The following R3HDM2 variants were observed in gnomAD, a reference collection of about 807,000 sequenced individuals.
R3HDM2 encodes R3H domain-containing protein 2.
Under a neutral mutation model 124.5 loss-of-function variants are expected in R3HDM2, and 38 were observed. That is an observed-to-expected ratio of 0.31 (90% CI 0.24 to 0.40). The LOEUF is 0.40. R3HDM2 is among the 10% of genes least tolerant of loss of function. R3HDM2 has a pLI of 1.00. For synonymous variants in R3HDM2, 391 were observed against 448.0 expected (o/e 0.87, Z 1.61); for missense variants, 869 against 1,236.9 (o/e 0.70, Z 4.46).
rs925563513 is a variant in R3HDM2, at chr12:57,355,346, C to A, written c.-36+40403G>T. ...TAGTGGCAGGCGCCTATAGTCCCAA[C>A]TACTCGGGAGGCTGAGGCAGGAGAA... On this transcript the variant is annotated intron_variant, in intron 2 of 23. Transcript: ENST00000402412. 4.0e-5 allele frequency among the ~76,000 whole-genome samples: 6 copies of A among 150,698 alleles called. No individual in the cohort carries two copies. The East Asian group carries it at 1.2e-3, about 30-fold the overall frequency.
intron 2 of R3HDM2, among the ~76,000 whole-genome samples, chr12:57,355,066 A>G (rs1296147293): frequency 1.3e-5 from 2 of 151,588 alleles, no homozygotes; most frequent in East Asian, 3.9e-4. Context: ...GATTACAGGC[A>G]TAAGACACCA....
chr12:57,396,460 T>A (rs1466558282), intron 1 of R3HDM2, among the ~76,000 whole-genome samples: 2 of 144,372 alleles, frequency 1.4e-5, no homozygotes, highest in Admixed American at 7.1e-5. Context: ...AATAAATAAA[T>A]AAAATAAAAA....
chr12:57,269,345 C>G lies in R3HDM2; in HGVS notation c.1692G>C (p.Leu564=). The G allele has an allele frequency of 6.2e-7, 1 of 1,614,016 alleles. No homozygotes were observed. Among genetic ancestry groups the G allele is most frequent in the Non-Finnish European group, 8.5e-7 (1 of 1,180,012 alleles). Residue 564 remains leucine, a synonymous_variant, in exon 16 of 24, where the codon CTG becomes CTC. Transcript: ENST00000402412. The stretch of plus-strand genomic sequence containing the variant: ...TACCAGGCTGCTGGGATGGCTGAGG[C>G]AGCTGCTGACCACGTTGGGGGCTAT... ...VAYSPQRGQQ[L]PQPSQQPGLQ... is the part of the protein sequence containing the mutation.
chr12:57,421,717 C>T (rs1256688255), intron 1 of R3HDM2, among the ~76,000 whole-genome samples: 1 of 150,282 alleles, frequency 6.7e-6, no homozygotes, highest in Admixed American at 6.7e-5. Flanking sequence ...CTAAGTTGCC[C>T]CAGGCTAGTC....
intron 1 of R3HDM2, among the ~76,000 whole-genome samples, chr12:57,419,740 C>T (rs1255849897): frequency 6.6e-6 from 1 of 152,086 alleles, no homozygotes. Flanking sequence ...CCGTGCCCAG[C>T]CTCATACCAT....
intron 1 of R3HDM2, among the ~76,000 whole-genome samples, chr12:57,428,701 C>T (rs1464067060): frequency 3.3e-5 from 5 of 151,986 alleles, no homozygotes; most frequent in African/African-American, 1.2e-4. Flanking sequence ...AGAAAGGAAG[C>T]CATCTCCTGT....
At chr12:57,343,186 ATTT>A (rs760665727) in intron 2 of R3HDM2, among the ~76,000 whole-genome samples, 3 of 133,940 alleles carry the variant, frequency 2.2e-5, no homozygotes, top group Non-Finnish European at 4.8e-5. Context: ...TCGGGTCTTA[ATTT>A]TTTTTTTTTT....
intron 2 of R3HDM2, among the ~76,000 whole-genome samples, chr12:57,385,169 T>G (rs976815660): frequency 4.1e-5 from 6 of 145,348 alleles, no homozygotes; most frequent in African/African-American, 5.1e-5. Flanking sequence ...AACAAACAAA[T>G]AAGAAGAAAA....
At position 57,349,816 on chromosome 12, in the gene R3HDM2, C is replaced by T. The variant is rs146004281; in HGVS notation, c.-35-39353G>A. ...TCCTCGTGATCCACCTGCCTCAGCC[C>T]GTCGAAGTGCTGGGATTACAGGCGT... is the stretch of plus-strand genomic sequence containing the variant. On this transcript the variant is annotated intron_variant, in intron 2 of 23. Transcript: ENST00000402412. Among the ~76,000 whole-genome samples the T allele has an allele frequency of 1.3e-3, 196 of 152,146 alleles. 2 individuals are homozygous for T. The highest frequency in any genetic ancestry group is 4.5e-3 in the African/African-American group (186 of 41,538).
intron 3 of R3HDM2, among the ~76,000 whole-genome samples, chr12:57,307,303 T>TG (rs1408039388): frequency 4.2e-5 from 5 of 118,196 alleles, no homozygotes; most frequent in African/African-American, 1.1e-4. Context: ...GCAGAAATGC[T>TG]GGGTTTTTTT....
intron 2 of R3HDM2, among the ~76,000 whole-genome samples, chr12:57,326,705 T>G (rs1197530523): frequency 1.3e-5 from 2 of 152,220 alleles, no homozygotes; most frequent in Non-Finnish European, 2.9e-5. Context: ...AGCCTTTTAT[T>G]GGAAGGAGAT....
At chr12:57,339,572 C>A (rs1249581851) in intron 2 of R3HDM2, among the ~76,000 whole-genome samples, 1 of 151,894 alleles carries the variant, frequency 6.6e-6, no homozygotes, top group Admixed American at 6.6e-5. Flanking sequence ...GTGGCATGCA[C>A]CTGTAATGCC....
chr12:57,311,524 C>G (rs1015231223), intron 2 of R3HDM2, among the ~76,000 whole-genome samples: 5 of 152,078 alleles, frequency 3.3e-5, no homozygotes, highest in Non-Finnish European at 5.9e-5. Context: ...CCACGCCCAG[C>G]CTGCCCGGCT....
chr12:57,313,326 G>T (rs1220937324), intron 2 of R3HDM2, among the ~76,000 whole-genome samples: 1 of 152,140 alleles, frequency 6.6e-6, no homozygotes, highest in African/African-American at 2.4e-5. Flanking sequence ...TTGGGAGGCT[G>T]AGCCAGCAGG....
At chr12:57,418,990 TTC>T (rs2069921220) in intron 1 of R3HDM2, among the ~76,000 whole-genome samples, 1 of 152,156 alleles carries the variant, frequency 6.6e-6, no homozygotes, top group African/African-American at 2.4e-5. Flanking sequence ...ATCATTTCAT[TTC>T]TCTGATTAAA....
At chr12:57,352,853 T>C (rs542957071) in intron 2 of R3HDM2, among the ~76,000 whole-genome samples, 16 of 152,154 alleles carry the variant, frequency 1.1e-4, no homozygotes, top group Admixed American at 9.8e-4. Context: ...GGGAAAAGAA[T>C]AGAGATCCTG....
chr12:57,401,209 C>T (rs1268639950), intron 1 of R3HDM2, among the ~76,000 whole-genome samples: 1 of 151,864 alleles, frequency 6.6e-6, no homozygotes, highest in Non-Finnish European at 1.5e-5. Flanking sequence ...AGTTCATTTC[C>T]CCACCCCTTG....
At position 57,352,212 on chromosome 12, in the gene R3HDM2, A is replaced by AGC. The variant is rs1338717243; in HGVS notation, c.-35-41751_-35-41750dup. Among the ~76,000 whole-genome samples, 10 of 144,964 alleles carry AGC rather than the reference A, an allele frequency of 6.9e-5. No individual in the cohort carries two copies. The East Asian group carries it at 1.5e-3, about 21-fold the overall frequency. ...AGCCAAGATGGTGCCACTGCACTCC[A>AGC]GCCTGGGCAACACAGCAAGACTCCA... is the stretch of plus-strand genomic sequence containing the variant. On this transcript the variant is annotated intron_variant, in intron 2 of 23. Coordinates refer to ENST00000402412, the MANE Select transcript of R3HDM2 (RefSeq NM_001394031.1).
rs762811785 is a variant in R3HDM2 at position 57,269,387 on chromosome 12, G to A, written c.1650C>T (p.Leu550=). 3.1e-6 allele frequency: 5 copies of A among 1,614,202 alleles called. No individual in the cohort carries two copies. The highest frequency in any genetic ancestry group is 3.3e-5 in the Admixed American group (2 of 60,024). The change falls in exon 16 of 24, where the codon CTC becomes CTT. Residue 550 remains leucine, a synonymous_variant. Coordinates refer to ENST00000402412, the MANE Select transcript of R3HDM2 (RefSeq NM_001394031.1). ...YPNSNQQYRP[L]SHPVAYSPQR... ...GGGGGCTATAGGCCACCGGGTGAGAGAGAGGTCGATATTGCTGGTTGGAGT... is the reference window on the plus strand; with the variant it reads ...GGGGGCTATAGGCCACCGGGTGAGAAAGAGGTCGATATTGCTGGTTGGAGT...
Sources: allele counts gnomAD v4.1 joint callset (sites outside exome capture counted in the v4.1 genomes callset), GRCh38; gene constraint gnomAD v4.1.1; transcripts MANE v1.5; gene names NCBI Gene and HGNC (gene_info 2026-07-23, HGNC 2026-07-21).